The following GRID1 variants were observed in gnomAD, a reference collection of about 807,000 sequenced individuals.
GRID1 encodes the protein glutamate receptor ionotropic, delta-1.
In GRID1, 28 loss-of-function variants were observed where a neutral mutation model predicts 98.0. That is an observed-to-expected ratio of 0.29 (90% CI 0.21 to 0.39). The LOEUF (loss-of-function observed/expected upper bound fraction) is 0.39, where lower values mean the gene tolerates loss of function less well. Among genes scored for constraint, GRID1 ranks in the 10% least tolerant of loss-of-function variants. The pLI is 1.00. For missense variants in GRID1, 1,111 were observed against 1,340.5 expected, an observed-to-expected ratio of 0.83 and a Z score of 2.67; for synonymous variants, 553 against 538.5, an observed-to-expected ratio of 1.03 and a Z score of -0.37.
intron 3 of GRID1, among the ~76,000 whole-genome samples, chr10:86,169,686 G>T (rs1845453709): frequency 6.6e-6 from 1 of 152,156 alleles, no homozygotes; most frequent in Admixed American, 6.5e-5. Flanking sequence ...TCTGAAACAT[G>T]GTCACTTTCA....
chr10:85,938,983 T>C (rs1037431981), intron 4 of GRID1, among the ~76,000 whole-genome samples: 1 of 152,206 alleles, frequency 6.6e-6, no homozygotes, highest in Non-Finnish European at 1.5e-5. Context: ...CTGCCAAAGT[T>C]TGATTAGTTT....
intron 2 of GRID1, among the ~76,000 whole-genome samples, chr10:86,352,603 G>A (rs1194642848): frequency 1.3e-5 from 2 of 152,102 alleles, no homozygotes; most frequent in Admixed American, 6.5e-5. Flanking sequence ...CCCATCATGA[G>A]GGCCCCACCC....
At chr10:85,771,942 G>T (rs888537768) in intron 8 of GRID1, among the ~76,000 whole-genome samples, 4 of 152,102 alleles carry the variant, frequency 2.6e-5, no homozygotes, top group African/African-American at 9.7e-5. Context: ...GGATACCCAG[G>T]AATTGAACTT....
At chr10:86,256,429 C>T (rs976688358) in intron 2 of GRID1, among the ~76,000 whole-genome samples, 3 of 152,188 alleles carry the variant, frequency 2.0e-5, no homozygotes, top group Non-Finnish European at 2.9e-5. Flanking sequence ...GGCACCACTG[C>T]ACTCCACCCT....
At chr10:86,146,903 G>A (rs571820033) in intron 3 of GRID1, among the ~76,000 whole-genome samples, 1 of 152,314 alleles carries the variant, frequency 6.6e-6, no homozygotes, top group South Asian at 2.1e-4. Flanking sequence ...GATCCATGCA[G>A]GCGACTCTCT....
intron 4 of GRID1, among the ~76,000 whole-genome samples, chr10:85,992,954 T>C (rs1245582040): frequency 1.3e-5 from 2 of 152,136 alleles, no homozygotes; most frequent in African/African-American, 4.8e-5. Flanking sequence ...ACCCTGTCTC[T>C]AAAAAATAAC....
chr10:85,919,243 C>A (rs1841665864), intron 4 of GRID1, among the ~76,000 whole-genome samples: 1 of 152,214 alleles, frequency 6.6e-6, no homozygotes, highest in African/African-American at 2.4e-5. Context: ...AGAAGTACTT[C>A]CACCTAGTAT....
intron 3 of GRID1, among the ~76,000 whole-genome samples, chr10:86,191,315 T>C (rs1383655878): frequency 6.6e-6 from 1 of 152,010 alleles, no homozygotes; most frequent in Non-Finnish European, 1.5e-5. Flanking sequence ...GACGCTCAAA[T>C]AAGTCTTGAG....
intron 3 of GRID1, among the ~76,000 whole-genome samples, chr10:86,146,479 C>T (rs750742340): frequency 2.0e-5 from 3 of 152,182 alleles, no homozygotes; most frequent in Non-Finnish European, 4.4e-5. Flanking sequence ...GGTATGATGG[C>T]AGCAGCGTCT....
chr10:86,329,687 A>G (rs549351140), intron 2 of GRID1, among the ~76,000 whole-genome samples: 1 of 152,290 alleles, frequency 6.6e-6, no homozygotes, highest in Admixed American at 6.5e-5. Context: ...GGTCCCAGAC[A>G]CAAAGTCTCA....
rs1035337829 is a variant in GRID1 at position 85,815,644 on chromosome 10, A to G, written c.1233+38852T>C. On this transcript the variant is annotated intron_variant, in intron 8 of 15. Coordinates refer to ENST00000327946, the MANE Select transcript of GRID1 (RefSeq NM_017551.3). ...TTCTAGAATAAAACATAAAGAGAAA[A>G]ATCTTCTTGAACTTAGGTTTCTAGA... is the stretch of plus-strand genomic sequence containing the variant. Among the ~76,000 whole-genome samples, 6 of 152,038 alleles carry G rather than the reference A, an allele frequency of 3.9e-5. 1 individual carries two copies. The South Asian group carries it at 1.2e-3, about 31-fold the overall frequency.
At chr10:86,085,406 G>A (rs150273013) in intron 4 of GRID1, among the ~76,000 whole-genome samples, 237 of 152,318 alleles carry the variant, frequency 1.6e-3, no homozygotes, top group Admixed American at 5.6e-3. Flanking sequence ...ATGCAGGCAA[G>A]TGTGAGAAAA....
At chr10:86,245,608 AAACAG>A (rs1454873813) in intron 2 of GRID1, among the ~76,000 whole-genome samples, 2 of 152,140 alleles carry the variant, frequency 1.3e-5, no homozygotes, top group African/African-American at 4.8e-5. Flanking sequence ...GGCCTCTGCA[AAACAG>A]AGAAGGCCCC....
chr10:86,186,047 G>C (rs1261850202), intron 3 of GRID1, among the ~76,000 whole-genome samples: 2 of 152,184 alleles, frequency 1.3e-5, no homozygotes, highest in African/African-American at 4.8e-5. Flanking sequence ...TCTGCGTCTG[G>C]AGTTTTCTTT....
chr10:86,251,112 G>T lies in GRID1; in HGVS notation c.236-44464C>A, dbSNP rs187430929. Among the ~76,000 whole-genome samples, 484 of 152,294 alleles carry T rather than the reference G, an allele frequency of 3.2e-3. 1 individual carries two copies. The highest frequency in any genetic ancestry group is 0.011 in the African/African-American group (437 of 41,550). On this transcript the variant is annotated intron_variant, in intron 2 of 15. Coordinates refer to ENST00000327946, the MANE Select transcript of GRID1 (RefSeq NM_017551.3). Reference sequence around the variant, plus strand: ...GTTAAATGGATTAAGGGCGGTGCAAGTTGTGCTTTGTTAAACAGATGCTTG... The same window carrying T: ...GTTAAATGGATTAAGGGCGGTGCAATTTGTGCTTTGTTAAACAGATGCTTG...
At chr10:86,053,593 A>C (rs910432949) in intron 4 of GRID1, among the ~76,000 whole-genome samples, 7 of 151,590 alleles carry the variant, frequency 4.6e-5, no homozygotes, top group Admixed American at 2.6e-4. Flanking sequence ...AACTCAGGAG[A>C]TCCGCCCGCC....
intron 4 of GRID1, among the ~76,000 whole-genome samples, chr10:85,994,281 G>T (rs1368083670): frequency 1.3e-5 from 2 of 152,224 alleles, no homozygotes; most frequent in Non-Finnish European, 2.9e-5. Context: ...GACCTGCCGG[G>T]TCTGCTGTGA....
At chr10:85,740,655 T>C (rs1010210304) in intron 8 of GRID1, among the ~76,000 whole-genome samples, 2 of 152,120 alleles carry the variant, frequency 1.3e-5, no homozygotes, top group African/African-American at 4.8e-5. Context: ...TAAGTAGCTG[T>C]CTCCCTTGGG....
intron 12 of GRID1, among the ~76,000 whole-genome samples, chr10:85,698,837 C>T (rs988121769): frequency 6.6e-6 from 1 of 152,116 alleles, no homozygotes; most frequent in African/African-American, 2.4e-5. Context: ...TGGATTGTGG[C>T]CATGTTAATA....
Sources: gnomAD v4.1 joint callset for allele counts (sites outside exome capture counted in the v4.1 genomes callset) on GRCh38, gnomAD v4.1.1 for gene constraint, MANE v1.5 for transcripts, NCBI Gene and HGNC (gene_info 2026-07-23, HGNC 2026-07-21) for gene names.